The following KCNN3 variants were observed in gnomAD, a reference collection of about 807,000 sequenced individuals.
KCNN3 encodes the protein small conductance calcium-activated potassium channel protein 3.
KCNN3 carries 16 observed loss-of-function variants against 62.9 expected under a neutral mutation model. The observed-to-expected ratio is 0.25, with a 90% CI of 0.17 to 0.39. The LOEUF (loss-of-function observed/expected upper bound fraction) is 0.39, where lower values mean the gene tolerates loss of function less well. Among genes scored for constraint, KCNN3 ranks in the 10% least tolerant of loss-of-function variants. The probability of loss-of-function intolerance (pLI) is 1.00; values close to 1 mark genes in which losing one functional copy is unlikely to be tolerated. For missense variants in KCNN3, 599 were observed against 949.4 expected, an observed-to-expected ratio of 0.63 and a Z score of 4.85; for synonymous variants, 370 against 389.2, an observed-to-expected ratio of 0.95 and a Z score of 0.58.
chr1:154,780,725 A>T (rs10752608), intron 2 of KCNN3, among the ~76,000 whole-genome samples: 4 of 151,834 alleles, frequency 2.6e-5, no homozygotes, highest in Admixed American at 6.6e-5. Context: ...GGTTTCCCTG[A>T]GGACAGGAGC....
rs765321692 is a variant in KCNN3, at chr1:154,822,165, G to A, written c.953C>T (p.Ala318Val). 1.2e-6 allele frequency: 2 copies of A among 1,613,628 alleles called. No individual in the cohort carries two copies. Among genetic ancestry groups the A allele is most frequent in the Non-Finnish European group, 1.7e-6 (2 of 1,179,508 alleles). ...GGACAGACTGATAAGGCATTTCAGGGCCAACGAAAACATGGAGTCCTGCAG... is the reference window on the plus strand; with the variant it reads ...GGACAGACTGATAAGGCATTTCAGGACCAACGAAAACATGGAGTCCTGCAG... ...LYSKDSMFSL[A>V]LKCLISLSTI... The change falls in exon 2 of 8, where the codon GCC becomes GTC. Residue 318 changes from alanine (A) to valine (V), a missense_variant. Ala to Val is a moderately conservative substitution (Grantham distance 64). Transcript: ENST00000271915.
intron 4 of KCNN3, among the ~76,000 whole-genome samples, chr1:154,727,568 G>C (rs1464922383): frequency 2.0e-5 from 3 of 152,160 alleles, no homozygotes; most frequent in African/African-American, 7.2e-5. Context: ...ACAATCTAGT[G>C]TTTCTCAGTA....
chr1:154,814,906 T>G (rs1396956707), intron 2 of KCNN3, among the ~76,000 whole-genome samples: 1 of 152,226 alleles, frequency 6.6e-6, no homozygotes, highest in Non-Finnish European at 1.5e-5. Flanking sequence ...GTCGCTGTTC[T>G]CTGGAACACA....
intron 5 of KCNN3, among the ~76,000 whole-genome samples, chr1:154,720,835 C>A (rs551123715): frequency 6.6e-4 from 100 of 152,232 alleles, no homozygotes; most frequent in Admixed American, 1.1e-3. Flanking sequence ...CAGAAGATGG[C>A]GGCTTCAAGA....
In KCNN3 at chr1:154,854,714, T is replaced by C. The variant is rs532844375; in HGVS notation, c.933+14318A>G. Among the ~76,000 whole-genome samples the C allele has an allele frequency of 7.2e-5, 11 of 152,348 alleles. No individual in the cohort carries two copies. In the South Asian group the frequency reaches 1.9e-3, roughly 26 times the overall value. ...AAAATTCCTATCACTTCGTGACATC[T>C]TGATGATCCTGAACCTGTGTCAGCC... On this transcript the variant is annotated intron_variant, in intron 1 of 7. Coordinates refer to ENST00000271915, the MANE Select transcript of KCNN3 (RefSeq NM_002249.6).
chr1:154,802,229 TGGGATTTAAAC>T (rs1045557279), intron 2 of KCNN3, among the ~76,000 whole-genome samples: 4 of 152,266 alleles, frequency 2.6e-5, no homozygotes, highest in Admixed American at 2.6e-4. Flanking sequence ...AAGGCAGAGC[TGGGATTTAAAC>T]GTGGATCTAT....
At chr1:154,796,927 A>G (rs1297269431) in intron 2 of KCNN3, among the ~76,000 whole-genome samples, 28 of 152,230 alleles carry the variant, frequency 1.8e-4, no homozygotes, top group Admixed American at 1.8e-3. Context: ...GAAATGAAAA[A>G]GGCGTTTGGG....
intron 1 of KCNN3, among the ~76,000 whole-genome samples, chr1:154,839,181 G>T (rs1166605792): frequency 2.6e-5 from 4 of 152,170 alleles, no homozygotes; most frequent in South Asian, 2.1e-4. Flanking sequence ...TCCATGAAAT[G>T]AGTGCATAAC....
rs747158037 is a variant in KCNN3, at chr1:154,703,354, G to A, written c.*4622C>T. 6 of 152,276 alleles carry A rather than the reference G, an allele frequency of 3.9e-5. No homozygotes were observed. The highest frequency in any genetic ancestry group is 2.6e-4 in the Admixed American group (4 of 15,302). The allele number at this position is 152,276 out of a possible 1,614,324, so 9.4% of individuals were successfully genotyped here. A position where few individuals can be genotyped will look rare whatever the true frequency, so the allele number is the denominator to read the frequency against. On this transcript the variant is annotated 3_prime_UTR_variant, in exon 8 of 8. Coordinates refer to ENST00000271915, the MANE Select transcript of KCNN3 (RefSeq NM_002249.6). The stretch of plus-strand genomic sequence containing the variant: ...TGTCTGGGGCGTCATCAAGCCCACC[G>A]ACTGCAAGGGGAGAGAAGGGGTTGT...
At chr1:154,793,927 C>G (rs934609541) in intron 2 of KCNN3, among the ~76,000 whole-genome samples, 7 of 152,194 alleles carry the variant, frequency 4.6e-5, no homozygotes, top group African/African-American at 1.2e-4. Flanking sequence ...ATCCTTTCCC[C>G]CATGCATGCC....
intron 1 of KCNN3, among the ~76,000 whole-genome samples, chr1:154,836,957 G>A (rs1024533588): frequency 6.6e-6 from 1 of 152,214 alleles, no homozygotes; most frequent in African/African-American, 2.4e-5. Context: ...CCAAGAAGAG[G>A]AGAATCGTGC....
At chr1:154,741,985 C>T (rs573660938) in intron 3 of KCNN3, among the ~76,000 whole-genome samples, 9 of 152,374 alleles carry the variant, frequency 5.9e-5, no homozygotes, top group South Asian at 4.1e-4. Flanking sequence ...GGCCCCCTGG[C>T]GGCCTCTGAC....
chr1:154,725,601 T>C (rs2101781956), intron 5 of KCNN3, among the ~76,000 whole-genome samples: 1 of 151,236 alleles, frequency 6.6e-6, no homozygotes, highest in Admixed American at 6.6e-5. Context: ...TGGAGTGCAG[T>C]AGTGCGATCT....
chr1:154,785,234 G>C (rs1408392446), intron 2 of KCNN3, among the ~76,000 whole-genome samples: 1 of 152,194 alleles, frequency 6.6e-6, no homozygotes, highest in Non-Finnish European at 1.5e-5. Flanking sequence ...GCCCTGATTG[G>C]TTCTAAGTCA....
At chr1:154,782,402 C>T (rs979496816) in intron 2 of KCNN3, among the ~76,000 whole-genome samples, 7 of 152,244 alleles carry the variant, frequency 4.6e-5, no homozygotes, top group South Asian at 2.1e-4. Flanking sequence ...GGTGCCAACA[C>T]GGTCAGGCTC....
chr1:154,817,598 G>A (rs913631143), intron 2 of KCNN3, among the ~76,000 whole-genome samples: 1 of 152,230 alleles, frequency 6.6e-6, no homozygotes, highest in Non-Finnish European at 1.5e-5. Flanking sequence ...CATGATTTGC[G>A]CCAAGCTGGG....
intron 2 of KCNN3, among the ~76,000 whole-genome samples, chr1:154,774,557 G>A (rs1198014247): frequency 6.6e-6 from 1 of 152,244 alleles, no homozygotes; most frequent in Non-Finnish European, 1.5e-5. Context: ...GGCCTCCTGT[G>A]CAGGCACCTC....
At chr1:154,783,400 G>A (rs1649143718) in intron 2 of KCNN3, among the ~76,000 whole-genome samples, 1 of 152,120 alleles carries the variant, frequency 6.6e-6, no homozygotes, top group Non-Finnish European at 1.5e-5. Context: ...CTATGTTTGT[G>A]GAACTAAGAC....
intron 1 of KCNN3, among the ~76,000 whole-genome samples, chr1:154,859,203 A>G (rs1382973220): frequency 6.6e-6 from 1 of 152,252 alleles, no homozygotes; most frequent in Admixed American, 6.5e-5. Context: ...CCAACATCTT[A>G]CCCACTGGAA....
Sources: gnomAD v4.1 joint callset for allele counts (sites outside exome capture counted in the v4.1 genomes callset) on GRCh38, gnomAD v4.1.1 for gene constraint, MANE v1.5 for transcripts, NCBI Gene and HGNC (gene_info 2026-07-23, HGNC 2026-07-21) for gene names.